CBR4: variants seen among roughly 807,000 people sequenced by gnomAD.
The protein encoded by CBR4 is 3-oxoacyl-[acyl-carrier-protein] reductase.
CBR4 carries 22 observed loss-of-function variants against 21.0 expected under a neutral mutation model. The ratio of observed to expected loss-of-function variants is 1.05; its 90% CI spans 0.75 to 1.50. The LOEUF (loss-of-function observed/expected upper bound fraction) is 1.50. Among genes scored for constraint, CBR4 ranks in the 40% most tolerant of loss-of-function variants. The pLI is 0.00. For synonymous variants in CBR4, 100 were observed against 104.4 expected (o/e 0.96, Z 0.26); for missense variants, 302 against 286.3 (o/e 1.05, Z -0.40).
intron 2 of CBR4, among the ~76,000 whole-genome samples, chr4:168,912,962 A>C (rs1279407603): frequency 6.6e-6 from 1 of 152,110 alleles, no homozygotes; most frequent in Admixed American, 6.6e-5. Flanking sequence ...TATGACCCAC[A>C]TATTTTAGGT....
At position 169,006,042 on chromosome 4, in the gene CBR4, T is replaced by C. The variant is rs960385621; in HGVS notation, c.400+713A>G. 1.8e-5 allele frequency: 9 copies of C among 510,538 alleles called. No homozygotes were observed. The Admixed American group carries it at 2.2e-4, about 12-fold the overall frequency. The allele number at this position is 510,538 out of a possible 1,614,324, so 31.6% of individuals were successfully genotyped here. The stretch of plus-strand genomic sequence containing the variant: ...CTACAGGCATATACTCCACAGCTTA[T>C]CTGCCCTGTGGGTTAGATGAACTGA... On this transcript the variant is annotated intron_variant, in intron 3 of 4. Coordinates refer to ENST00000306193, the MANE Select transcript of CBR4 (RefSeq NM_032783.5).
At chr4:169,006,945 A>C in intron 2 of CBR4, 54 bp from the exon 3 acceptor site, 1 of 1,419,214 alleles carries the variant, frequency 7.0e-7, no homozygotes, top group Non-Finnish European at 9.9e-7. Flanking sequence ...AAAACCAAAA[A>C]GGTCAAGACT....
At chr4:168,914,080 A>G (rs1759611307) in intron 2 of CBR4, 6 of 1,018,176 alleles carry the variant, frequency 5.9e-6, no homozygotes, top group East Asian at 2.5e-5. Flanking sequence ...CTATAAATGT[A>G]GTACTATTAG....
chr4:168,914,388 C>T (rs1759679956), intron 2 of CBR4, among the ~76,000 whole-genome samples: 1 of 152,204 alleles, frequency 6.6e-6, no homozygotes, highest in Non-Finnish European at 1.5e-5. Flanking sequence ...TGAGTGGACG[C>T]ACACATTAAA....
chr4:168,903,483 T>C (rs28673844), intron 2 of CBR4, among the ~76,000 whole-genome samples: 2,597 of 152,260 alleles, frequency 0.017, 61 homozygotes, highest in African/African-American at 0.043. Flanking sequence ...ATTGCCAAAA[T>C]TCAATATATC....
intron 2 of CBR4, among the ~76,000 whole-genome samples, chr4:168,941,222 T>C (rs2126678811): frequency 6.6e-6 from 1 of 152,240 alleles, no homozygotes; most frequent in South Asian, 2.1e-4. Context: ...AAAGACCTAA[T>C]GTAAATGACC....
chr4:168,943,818 G>A (rs1458236754), intron 2 of CBR4, among the ~76,000 whole-genome samples: 2 of 152,148 alleles, frequency 1.3e-5, no homozygotes, highest in East Asian at 3.9e-4. Flanking sequence ...GCTGAAGTAG[G>A]AGGATCGCTT....
intron 4 of CBR4, among the ~76,000 whole-genome samples, chr4:168,994,743 TAA>T (rs1218528093): frequency 1.8e-5 from 2 of 110,726 alleles, no homozygotes; most frequent in African/African-American, 3.3e-5. Flanking sequence ...CACGCCTGGC[TAA>T]TTTTTTTTTT....
Position 168,989,825 on chromosome 4 carries a change from T to C in CBR4, c.*325A>G. The C allele has an allele frequency of 9.9e-7, 1 of 1,012,280 alleles. No individual in the cohort carries two copies. The highest frequency in any genetic ancestry group is 1.7e-5 in the African/African-American group (1 of 58,506). 62.7% of individuals were successfully genotyped at this position (1,012,280 alleles called of 1,614,324 possible). The stretch of plus-strand genomic sequence containing the variant: ...CACATCCTTTAGAAAACACAATTTG[T>C]CTGGGGGGATGATTGCACATGTATT... On this transcript the variant is annotated 3_prime_UTR_variant, in exon 5 of 5. Transcript: ENST00000306193.
intron 2 of CBR4, chr4:168,898,286 T>C (rs1755698827): frequency 5.1e-6 from 3 of 589,356 alleles, no homozygotes; most frequent in Admixed American, 2.9e-5. Flanking sequence ...TTTTGGATGA[T>C]AGGACTTGAA....
At chr4:168,967,154 C>T (rs902833761) in intron 2 of CBR4, among the ~76,000 whole-genome samples, 24 of 152,168 alleles carry the variant, frequency 1.6e-4, no homozygotes, top group African/African-American at 5.8e-4. Flanking sequence ...GGCACATATA[C>T]ACCATGTAAT....
chr4:168,897,080 C>T (rs549600239), intron 2 of CBR4, among the ~76,000 whole-genome samples: 5 of 152,334 alleles, frequency 3.3e-5, no homozygotes, highest in African/African-American at 9.6e-5. Flanking sequence ...ATCCACCCGC[C>T]TTGGCTTCCC....
chr4:168,941,931 A>G (rs1232454882), intron 2 of CBR4, among the ~76,000 whole-genome samples: 3 of 152,172 alleles, frequency 2.0e-5, no homozygotes, highest in Non-Finnish European at 4.4e-5. Context: ...ACACATGCAC[A>G]TGTATGTTTA....
intron 2 of CBR4, among the ~76,000 whole-genome samples, chr4:168,912,009 G>GCCA (rs925524252): frequency 2.4e-4 from 36 of 151,988 alleles, no homozygotes; most frequent in Non-Finnish European, 4.1e-4. Context: ...GGTGGTTATA[G>GCCA]CCCTAAAGAA....
At chr4:168,907,773 A>G (rs1758112719) in intron 2 of CBR4, among the ~76,000 whole-genome samples, 2 of 152,172 alleles carry the variant, frequency 1.3e-5, no homozygotes, top group Non-Finnish European at 2.9e-5. Flanking sequence ...CCCTCCTAAT[A>G]GAATATCCTA....
At chr4:168,922,553 C>T (rs113326442) in intron 2 of CBR4, among the ~76,000 whole-genome samples, 13 of 152,116 alleles carry the variant, frequency 8.5e-5, no homozygotes, top group African/African-American at 3.1e-4. Flanking sequence ...AAACACACTA[C>T]GTCACTGAGC....
chr4:168,994,465 G>C (rs1765084308), intron 4 of CBR4, among the ~76,000 whole-genome samples: 1 of 152,122 alleles, frequency 6.6e-6, no homozygotes, highest in South Asian at 2.1e-4. Context: ...CAGATTTGGG[G>C]GCCTGATCCC....
chr4:168,922,102 T>TATATAC (rs1459158507), intron 2 of CBR4, among the ~76,000 whole-genome samples: 2 of 132,604 alleles, frequency 1.5e-5, no homozygotes, highest in Non-Finnish European at 3.1e-5. Context: ...TATATATATA[T>TATATAC]ACACACACAC....
intron 2 of CBR4, among the ~76,000 whole-genome samples, chr4:168,901,344 T>G (rs1240345791): frequency 6.6e-6 from 1 of 152,208 alleles, no homozygotes; most frequent in Non-Finnish European, 1.5e-5. Flanking sequence ...AATTTCTGAT[T>G]TACCCTGTTC....
Sources: gnomAD v4.1 joint callset for allele counts (sites outside exome capture counted in the v4.1 genomes callset) on GRCh38, gnomAD v4.1.1 for gene constraint, MANE v1.5 for transcripts, NCBI Gene and HGNC (gene_info 2026-07-23, HGNC 2026-07-21) for gene names.